The following DOCK2 variants were observed in gnomAD, a reference collection of about 807,000 sequenced individuals.
DOCK2 encodes dedicator of cytokinesis 2.
A neutral mutation model predicts 248.9 loss-of-function variants in DOCK2; 87 were observed. The observed-to-expected ratio is 0.35, with a 90% CI of 0.29 to 0.42. The LOEUF is 0.42. Among genes scored for constraint, DOCK2 ranks in the 10% least tolerant of loss-of-function variants. The pLI is 1.00. For missense variants in DOCK2, 1,747 were observed against 2,300.2 expected (o/e 0.76, Z 4.92); for synonymous variants, 805 against 821.6 (o/e 0.98, Z 0.35).
intron 25 of DOCK2, among the ~76,000 whole-genome samples, chr5:169,765,425 A>G (rs1178519557): frequency 1.3e-5 from 2 of 152,328 alleles, no homozygotes; most frequent in Middle Eastern, 3.4e-3. Flanking sequence ...GTCTTCTCCA[A>G]CACAAGCTCA....
At chr5:169,730,430 A>G (rs1762709921) in intron 22 of DOCK2, among the ~76,000 whole-genome samples, 2 of 152,154 alleles carry the variant, frequency 1.3e-5, no homozygotes, top group South Asian at 4.2e-4. Flanking sequence ...AGAACAGGAG[A>G]AAGATGAATT....
intron 27 of DOCK2, among the ~76,000 whole-genome samples, chr5:169,887,353 A>C (rs1773031090): frequency 6.6e-6 from 1 of 152,238 alleles, no homozygotes; most frequent in Admixed American, 6.5e-5. Context: ...AAATAATACA[A>C]ATAAACAACA....
At chr5:169,857,424 T>A (rs1461986036) in intron 27 of DOCK2, among the ~76,000 whole-genome samples, 1 of 152,176 alleles carries the variant, frequency 6.6e-6, no homozygotes, top group African/African-American at 2.4e-5. Flanking sequence ...TATTCCTGGG[T>A]CCTGAATGCC....
At chr5:169,704,173 T>C (rs186794853) in intron 14 of DOCK2, 2 of 152,356 alleles carry the variant, frequency 1.3e-5, no homozygotes, top group East Asian at 3.9e-4. Flanking sequence ...GGGAGTTCAG[T>C]TGACTGACTA....
intron 27 of DOCK2, among the ~76,000 whole-genome samples, chr5:169,865,080 T>A (rs1771457402): frequency 6.6e-6 from 1 of 152,238 alleles, no homozygotes; most frequent in African/African-American, 2.4e-5. Flanking sequence ...CTTCAAGATA[T>A]ATCTTGGAGA....
In DOCK2 at chr5:169,703,789, C is replaced by T. The variant is rs186459103; in HGVS notation, c.1383+1362C>T. On this transcript the variant is annotated intron_variant, in intron 14 of 51. Transcript: ENST00000520908. ...CTTGACTCAAAGGAACATAAAGGAG[C>T]GGAGGGTTTTTATCTGAAAGGGAAA... 6.0e-4 allele frequency among the ~76,000 whole-genome samples: 91 copies of T among 152,222 alleles called. 2 individuals carry two copies. Among genetic ancestry groups the T allele is most frequent in the African/African-American group, 2.1e-3 (88 of 41,506 alleles).
intron 1 of DOCK2, among the ~76,000 whole-genome samples, chr5:169,639,249 A>C (rs951002574): frequency 1.3e-5 from 2 of 152,190 alleles, no homozygotes; most frequent in Non-Finnish European, 2.9e-5. Context: ...GGTCACTTAT[A>C]ATCAACATTG....
intron 27 of DOCK2, among the ~76,000 whole-genome samples, chr5:169,858,009 A>G (rs1335648166): frequency 1.3e-5 from 2 of 152,184 alleles, no homozygotes; most frequent in South Asian, 2.1e-4. Context: ...TTTATACCAT[A>G]TATCATTCAG....
At chr5:169,748,354 C>T (rs567073339) in intron 23 of DOCK2, among the ~76,000 whole-genome samples, 1 of 152,078 alleles carries the variant, frequency 6.6e-6, no homozygotes, top group Non-Finnish European at 1.5e-5. Context: ...AGACTGTGCA[C>T]GTTAGAATTG....
chr5:169,953,249 C>T (rs1776736936), intron 27 of DOCK2, among the ~76,000 whole-genome samples: 1 of 151,252 alleles, frequency 6.6e-6, no homozygotes, highest in South Asian at 2.1e-4. Context: ...AGGAGAATCA[C>T]TTGAACCCAG....
chr5:169,803,538 C>T (rs1022685842), intron 26 of DOCK2, among the ~76,000 whole-genome samples: 1 of 152,172 alleles, frequency 6.6e-6, no homozygotes, highest in Non-Finnish European at 1.5e-5. Flanking sequence ...TTTCCTATGC[C>T]TAGACAGCAA....
At chr5:169,913,976 C>T (rs1160014124) in intron 27 of DOCK2, among the ~76,000 whole-genome samples, 5 of 152,180 alleles carry the variant, frequency 3.3e-5, no homozygotes, top group East Asian at 1.9e-4. Context: ...AGAAAACTCA[C>T]GTGTCCTGAC....
At chr5:169,898,674 G>A (rs1024338042) in intron 27 of DOCK2, among the ~76,000 whole-genome samples, 1 of 152,156 alleles carries the variant, frequency 6.6e-6, no homozygotes, top group Non-Finnish European at 1.5e-5. Flanking sequence ...TCAAGGGTTA[G>A]ACAGTAAATA....
intron 22 of DOCK2, among the ~76,000 whole-genome samples, chr5:169,734,159 A>G (rs893116212): frequency 3.3e-5 from 5 of 152,020 alleles, no homozygotes; most frequent in African/African-American, 1.2e-4. Context: ...GCTTTGTCTA[A>G]TATGTTCTTT....
intron 27 of DOCK2, among the ~76,000 whole-genome samples, chr5:169,903,707 G>C (rs989024592): frequency 6.6e-6 from 1 of 152,128 alleles, no homozygotes; most frequent in African/African-American, 2.4e-5. Flanking sequence ...GGCAGGGGGA[G>C]AAAAGAAGTA....
intron 25 of DOCK2, among the ~76,000 whole-genome samples, chr5:169,776,980 T>G (rs1249634889): frequency 6.6e-6 from 1 of 152,250 alleles, no homozygotes; most frequent in Non-Finnish European, 1.5e-5. Context: ...TATTTTCTTC[T>G]TTAAGGACAT....
At position 169,972,586 on chromosome 5, in the gene DOCK2, TGATAGATAGATA is replaced by T. The variant is rs1554122914; in HGVS notation, c.2800-10450_2800-10439del. ...ATAGATAGATAGATAGATAGATAGA[TGATAGATAGATA>T]GATAGATAGATAGATAGATAGATAG... On this transcript the variant is annotated intron_variant, in intron 27 of 51. Transcript: ENST00000520908. 5.6e-3 allele frequency among the ~76,000 whole-genome samples: 389 copies of T among 69,014 alleles called. 1 individual carries two copies. Among genetic ancestry groups the T allele is most frequent in the African/African-American group, 0.025 (367 of 14,412 alleles). 45.3% of individuals were successfully genotyped at this position (69,014 alleles called of 152,430 possible).
At chr5:170,073,039 A>C (rs1329647238) in intron 46 of DOCK2, among the ~76,000 whole-genome samples, 2 of 152,124 alleles carry the variant, frequency 1.3e-5, no homozygotes, top group Non-Finnish European at 2.9e-5. Context: ...CATATTTTTA[A>C]ATGATTAGTG....
chr5:169,797,142 C>T (rs1255725190), intron 25 of DOCK2, among the ~76,000 whole-genome samples: 1 of 152,214 alleles, frequency 6.6e-6, no homozygotes, highest in African/African-American at 2.4e-5. Flanking sequence ...AAGATGATTT[C>T]TTTGCTTGGT....
Sources: allele counts gnomAD v4.1 joint callset (sites outside exome capture counted in the v4.1 genomes callset), GRCh38; gene constraint gnomAD v4.1.1; transcripts MANE v1.5; gene names NCBI Gene and HGNC (gene_info 2026-07-23, HGNC 2026-07-21).